The following FSTL4 variants were observed in gnomAD, a reference collection of about 807,000 sequenced individuals.
FSTL4 encodes the protein follistatin-related protein 4.
A neutral mutation model predicts 78.2 loss-of-function variants in FSTL4; 28 were observed. The observed-to-expected ratio is 0.36, with a 90% CI of 0.27 to 0.49. The LOEUF (loss-of-function observed/expected upper bound fraction) is 0.49, where lower values mean the gene tolerates loss of function less well. FSTL4 is among the 20% of genes least tolerant of loss of function. The pLI, the probability that FSTL4 is intolerant of heterozygous loss-of-function variation, is 0.98. For synonymous variants in FSTL4, 422 were observed against 440.5 expected, an observed-to-expected ratio of 0.96 and a Z score of 0.53; for missense variants, 922 against 1,084.9, an observed-to-expected ratio of 0.85 and a Z score of 2.11.
chr5:133,751,954 T>C, the FSTL4 span, among the ~76,000 whole-genome samples: 4 of 152,132 alleles, frequency 2.6e-5, no homozygotes, highest in Admixed American at 2.6e-4. Flanking sequence ...GTCAGCAACA[T>C]CATCCCTTCT....
intron 3 of FSTL4, 87 bp from the exon 4 acceptor site, chr5:133,401,073 A>C: frequency 6.7e-7 from 1 of 1,482,284 alleles, no homozygotes; most frequent in Non-Finnish European, 9.2e-7. Context: ...ACAAGCACAG[A>C]CTCCATTTGC....
At chr5:133,811,115 G>C in the FSTL4 span, among the ~76,000 whole-genome samples, 1 of 152,072 alleles carries the variant, frequency 6.6e-6, no homozygotes, top group Admixed American at 6.5e-5. Context: ...GCAGTCGTGG[G>C]CCTGTCCAGC....
chr5:133,600,506 T>C (rs1449658219), intron 2 of FSTL4, among the ~76,000 whole-genome samples: 1 of 152,144 alleles, frequency 6.6e-6, no homozygotes, highest in Non-Finnish European at 1.5e-5. Flanking sequence ...ATTCCATTAG[T>C]ATTCTAGGGC....
the FSTL4 span, among the ~76,000 whole-genome samples, chr5:133,688,624 T>C: frequency 6.6e-6 from 1 of 152,214 alleles, no homozygotes; most frequent in Non-Finnish European, 1.5e-5. Context: ...AGAGATTCTG[T>C]AGACAGAGCT....
chr5:133,561,609 G>A (rs1759915264), intron 3 of FSTL4, among the ~76,000 whole-genome samples: 2 of 152,162 alleles, frequency 1.3e-5, no homozygotes, highest in African/African-American at 4.8e-5. Context: ...ATGAGTGTGA[G>A]AATCCTTTTA....
At chr5:133,370,252 A>G (rs1755265382) in intron 4 of FSTL4, among the ~76,000 whole-genome samples, 1 of 152,094 alleles carries the variant, frequency 6.6e-6, no homozygotes. Context: ...CGCTGAGGAA[A>G]TGACAAGGTC....
rs538282368 is a variant in FSTL4 at position 133,573,480 on chromosome 5, G to T, written c.127-6261C>A. On this transcript the variant is annotated intron_variant, in intron 2 of 15. Transcript: ENST00000265342. ...AAGAATTATTATCAGTGATAAAAAG[G>T]GATGGTTCATAATTAGAAAAGGAAC... Among the ~76,000 whole-genome samples, 4 of 152,168 alleles carry T rather than the reference G, an allele frequency of 2.6e-5. No individual in the cohort carries two copies. In the South Asian group the frequency reaches 8.3e-4, roughly 32 times the overall value.
At chr5:133,705,174 CTCA>C in the FSTL4 span, among the ~76,000 whole-genome samples, 1 of 152,146 alleles carries the variant, frequency 6.6e-6, no homozygotes, top group Non-Finnish European at 1.5e-5. Context: ...AATTCTCTGC[CTCA>C]GCCTCCCAAG....
At chr5:133,333,497 G>A (rs1046876756) in intron 4 of FSTL4, among the ~76,000 whole-genome samples, 2 of 152,294 alleles carry the variant, frequency 1.3e-5, no homozygotes, top group East Asian at 1.9e-4. Flanking sequence ...AGGCATAGGG[G>A]CCCCTTACTG....
chr5:133,270,109 C>A (rs1354282324), intron 6 of FSTL4: 1 of 152,206 alleles, frequency 6.6e-6, no homozygotes, highest in Non-Finnish European at 1.5e-5. Flanking sequence ...AAGAAGAGCA[C>A]AACCACTCTC....
At chr5:133,377,105 T>C (rs1004438638) in intron 4 of FSTL4, among the ~76,000 whole-genome samples, 2 of 152,034 alleles carry the variant, frequency 1.3e-5, no homozygotes, top group African/African-American at 2.4e-5. Flanking sequence ...GCACAACTAA[T>C]CCCTGCCAGC....
intron 6 of FSTL4, among the ~76,000 whole-genome samples, chr5:133,285,839 C>T (rs1053023105): frequency 6.6e-6 from 1 of 152,252 alleles, no homozygotes; most frequent in Non-Finnish European, 1.5e-5. Context: ...GATGGGCCTG[C>T]AGGCTAGGCC....
At chr5:133,720,153 C>T in the FSTL4 span, among the ~76,000 whole-genome samples, 2 of 152,132 alleles carry the variant, frequency 1.3e-5, no homozygotes, top group Non-Finnish European at 2.9e-5. Context: ...TGCAATGATA[C>T]TGTTACCCAC....
the FSTL4 span, among the ~76,000 whole-genome samples, chr5:133,645,901 T>A: frequency 6.6e-6 from 1 of 152,174 alleles, no homozygotes; most frequent in Non-Finnish European, 1.5e-5. Flanking sequence ...GAACTGGGAC[T>A]AACTGGGTGG....
chr5:133,706,407 T>G, the FSTL4 span, among the ~76,000 whole-genome samples: 1 of 152,224 alleles, frequency 6.6e-6, no homozygotes, highest in African/African-American at 2.4e-5. Flanking sequence ...TCTGGTTCAT[T>G]AAACATCTTA....
the FSTL4 span, among the ~76,000 whole-genome samples, chr5:133,687,067 C>A: frequency 1.3e-5 from 2 of 152,106 alleles, no homozygotes; most frequent in Non-Finnish European, 2.9e-5. Flanking sequence ...CAGTGGCATG[C>A]CTGGGAGCCA....
chr5:133,570,051 T>C lies in FSTL4; in HGVS notation c.127-2832A>G, dbSNP rs570825382. ...GGTGAAACCCCATCTCTACTAAAAA[T>C]ACAAAAAATTAGCCGGGCGTGGTGG... is the stretch of plus-strand genomic sequence containing the variant. On this transcript the variant is annotated intron_variant, in intron 2 of 15. Coordinates refer to ENST00000265342, the MANE Select transcript of FSTL4 (RefSeq NM_015082.2). Among the ~76,000 whole-genome samples, 6 of 151,354 alleles carry C rather than the reference T, an allele frequency of 4.0e-5. No individual in the cohort carries two copies. The South Asian group carries it at 1.3e-3, about 32-fold the overall frequency.
the FSTL4 span, among the ~76,000 whole-genome samples, chr5:133,756,531 A>T: frequency 1.3e-5 from 2 of 152,076 alleles, no homozygotes; most frequent in Non-Finnish European, 2.9e-5. Flanking sequence ...AAATTCCACC[A>T]GTTTAAGGTT....
chr5:133,346,106 G>T (rs1754693200), intron 4 of FSTL4, among the ~76,000 whole-genome samples: 4 of 152,160 alleles, frequency 2.6e-5, no homozygotes, highest in Non-Finnish European at 5.9e-5. Flanking sequence ...CATGAATGAA[G>T]CCGGAAACCA....
Sources: gnomAD v4.1 joint callset for allele counts (sites outside exome capture counted in the v4.1 genomes callset) on GRCh38, gnomAD v4.1.1 for gene constraint, MANE v1.5 for transcripts, NCBI Gene and HGNC (gene_info 2026-07-23, HGNC 2026-07-21) for gene names.